The following SON variants were observed in gnomAD, a reference collection of about 807,000 sequenced individuals.
SON encodes protein SON.
Under a neutral mutation model 173.3 loss-of-function variants are expected in SON, and 4 were observed. The ratio of observed to expected loss-of-function variants is 0.02; its 90% CI spans 0.01 to 0.05. The LOEUF is 0.05. SON is among the 10% of genes least tolerant of loss of function. The probability of loss-of-function intolerance (pLI) is 1.00; values close to 1 mark genes in which losing one functional copy is unlikely to be tolerated. For missense variants in SON, 2,626 were observed against 3,055.3 expected (o/e 0.86, Z 3.31); for synonymous variants, 1,190 against 1,105.9 (o/e 1.08, Z -1.51).
chr21:33,572,146 G>C (rs2086297218), intron 8 of SON: 1 of 148,798 alleles, frequency 6.7e-6, no homozygotes, highest in African/African-American at 2.5e-5. Context: ...TACTCTCTCT[G>C]TTGATAAGTT....
At chr21:33,569,369 T>A (rs954279128) in intron 8 of SON, 1 of 372,288 alleles carries the variant, frequency 2.7e-6, no homozygotes, top group Non-Finnish European at 5.2e-6. Context: ...ACGCTAATAG[T>A]GTATCAGGTG....
rs1272355282 is a variant in SON at position 33,576,727 on chromosome 21, T to G, written c.*303T>G. On this transcript the variant is annotated 3_prime_UTR_variant, in exon 12 of 12. Transcript: ENST00000356577. ...GCTTTGATTTTTGTACCATGGAAAT[T>G]GTATTTAACCATACAGGGTTTTGGT... The G allele has an allele frequency of 4.1e-6, 2 of 485,928 alleles. No homozygotes were observed. Among genetic ancestry groups the G allele is most frequent in the African/African-American group, 3.9e-5 (2 of 51,340 alleles). The allele number at this position is 485,928 out of a possible 1,614,324, so 30.1% of individuals were successfully genotyped here.
rs1309818592 is a variant in SON at position 33,559,144 on chromosome 21, T to C, written c.6322-86T>C. On this transcript the variant is annotated intron_variant, in intron 4 of 11. Transcript: ENST00000356577. This position sits in a 1 kb window ranked among gnomAD's most constrained non-coding sequence, Gnocchi z 4.1. Reference sequence around the variant, plus strand: ...ATGAATCTTGTTTAACTTTGGAAAGTTGCTATTATGTGGTTTTGATTCTAA... The same window carrying C: ...ATGAATCTTGTTTAACTTTGGAAAGCTGCTATTATGTGGTTTTGATTCTAA... 9.3e-7 allele frequency: 1 copy of C among 1,075,374 alleles called. No individual in the cohort carries two copies. The highest frequency in any genetic ancestry group is 1.3e-6 in the Non-Finnish European group (1 of 761,504). 66.6% of individuals were successfully genotyped at this position (1,075,374 alleles called of 1,614,324 possible). A position where few individuals can be genotyped will look rare whatever the true frequency, so the allele number is the denominator to read the frequency against.
rs117683261 is a variant in SON, at chr21:33,560,312, T to G, written c.6657+537T>G. ...TTGTCAGATAGCCTTTAATTTTAAT[T>G]ATTTTTCCTTCCCTTTGCTACCTTG... On this transcript the variant is annotated intron_variant, in intron 6 of 11. Coordinates refer to ENST00000356577, the MANE Select transcript of SON (RefSeq NM_138927.4). 10,936 of 1,360,548 alleles carry G rather than the reference T, an allele frequency of 8.0e-3. 51 individuals are homozygous for G. The highest frequency in any genetic ancestry group is 9.6e-3 in the Non-Finnish European group (10,189 of 1,057,982). The allele number at this position is 1,360,548 out of a possible 1,614,324, so 84.3% of individuals were successfully genotyped here.
At chr21:33,571,508 G>A (rs1273340035) in intron 8 of SON, among the ~76,000 whole-genome samples, 1 of 152,140 alleles carries the variant, frequency 6.6e-6, no homozygotes, top group Non-Finnish European at 1.5e-5. Context: ...AGTTTTATCA[G>A]TAGTCTCATT....
chr21:33,564,686 C>T (rs1408823175), intron 6 of SON, among the ~76,000 whole-genome samples: 4 of 152,184 alleles, frequency 2.6e-5, no homozygotes. Flanking sequence ...CATGGAGAAA[C>T]CGCGTCTCTC....
In SON at chr21:33,555,346, A is replaced by T; in HGVS notation, c.6115A>T (p.Arg2039Trp). The T allele has an allele frequency of 6.3e-7, 1 of 1,590,828 alleles. No homozygotes were observed. The highest frequency in any genetic ancestry group is 8.6e-7 in the Non-Finnish European group (1 of 1,168,580). Reference protein sequence around the residue: ...SRSPIRRKRSRSSERGRSPKR... With the variant: ...SRSPIRRKRSWSSERGRSPKR... ...ATCTCCCATCCGTCGTAAAAGATCCAGGTCTTCTGAACGAGGCAGATCACC... is the reference window on the plus strand; with the variant it reads ...ATCTCCCATCCGTCGTAAAAGATCCTGGTCTTCTGAACGAGGCAGATCACC... The change falls in exon 3 of 12, where the codon AGG becomes TGG. Residue 2039 changes from arginine to tryptophan, a missense_variant. By Grantham distance (101) the Arg-to-Trp change is moderately radical. Around this residue, in one of 13 missense-constraint regions of SON, gnomAD observed 138 missense variants for 222.9 expected, o/e 0.62. Transcript: ENST00000356577.
intron 2 of SON, among the ~76,000 whole-genome samples, chr21:33,547,272 G>A (rs767224970): frequency 2.0e-5 from 3 of 152,090 alleles, no homozygotes; most frequent in Admixed American, 1.3e-4. Flanking sequence ...GTGAGCCACC[G>A]CGCCCGGCTT....
intron 6 of SON, among the ~76,000 whole-genome samples, chr21:33,562,003 C>G (rs1055775791): frequency 1.3e-5 from 2 of 152,042 alleles, no homozygotes; most frequent in African/African-American, 4.8e-5. Context: ...AAAGAACATA[C>G]AGATTAATTC....
intron 2 of SON, chr21:33,546,609 C>T (rs1265170952): frequency 1.0e-5 from 3 of 293,590 alleles, no homozygotes; most frequent in Non-Finnish European, 1.9e-5. Flanking sequence ...GAGAAACCCC[C>T]ATCTCTACTG....
intron 2 of SON, chr21:33,546,712 C>T (rs542341038): frequency 1.3e-4 from 23 of 176,352 alleles, no homozygotes; most frequent in African/African-American, 4.3e-4. Flanking sequence ...ACCCAGGAGG[C>T]GAATGTTGCA....
chr21:33,564,861 CA>C (rs60295815), intron 6 of SON, among the ~76,000 whole-genome samples: 305 of 98,262 alleles, frequency 3.1e-3, no homozygotes, highest in African/African-American at 8.3e-3. Flanking sequence ...AACTCCATCT[CA>C]AAAAAAAAAA....
Position 33,546,107 on chromosome 21 carries a change from A to AT in SON, c.78-106_78-105insT, listed in dbSNP as rs1186539985. Reference sequence around the variant, plus strand: ...TGAATATCTAAAATAGGAAAAAGGTAAAACATCTGACAGTCAGTACAACAT... The same window carrying AT: ...TGAATATCTAAAATAGGAAAAAGGTATAAACATCTGACAGTCAGTACAACAT... On this transcript the variant is annotated intron_variant, in intron 1 of 11. Transcript: ENST00000356577. 5.5e-6 allele frequency: 5 copies of AT among 902,620 alleles called. No individual in the cohort carries two copies. The African/African-American group carries it at 8.5e-5, about 15-fold the overall frequency. The allele number at this position is 902,620 out of a possible 1,614,324, so 55.9% of individuals were successfully genotyped here.
intron 8 of SON, chr21:33,569,629 A>T (rs1177331297): frequency 2.2e-6 from 1 of 462,120 alleles, no homozygotes; most frequent in Non-Finnish European, 4.5e-6. Flanking sequence ...TCCTCTTGTG[A>T]CCTGTAGCCC....
chr21:33,570,087 T>G (rs1320043994), intron 8 of SON: 1 of 152,670 alleles, frequency 6.6e-6, no homozygotes, highest in Non-Finnish European at 1.5e-5. Context: ...ATGGGAAATT[T>G]GTTACAGGAG....
In SON at chr21:33,576,772, T is replaced by C; in HGVS notation, c.*348T>C. 1 of 382,274 alleles carries C rather than the reference T, an allele frequency of 2.6e-6. No individual in the cohort carries two copies. The highest frequency in any genetic ancestry group is 2.4e-5 in the South Asian group (1 of 41,774). 23.7% of individuals were successfully genotyped at this position (382,274 alleles called of 1,614,324 possible). A position where few individuals can be genotyped will look rare whatever the true frequency, so the allele number is the denominator to read the frequency against. ...TTTGGTATGTTTATATTGTTTACCT[T>C]AGTGATGTATTTGTTTAAGTGGCTA... is the stretch of plus-strand genomic sequence containing the variant. On this transcript the variant is annotated 3_prime_UTR_variant, in exon 12 of 12. Transcript: ENST00000356577.
Position 33,559,186 on chromosome 21 carries a change from C to A in SON, c.6322-44C>A. ...TGATTCTAAGAAATTACATGTTCTA[C>A]ATAAAGCGTAAGATTTATCTTTTGT... On this transcript the variant is annotated intron_variant, in intron 4 of 11. Coordinates refer to ENST00000356577, the MANE Select transcript of SON (RefSeq NM_138927.4). This position sits in a 1 kb window ranked among gnomAD's most constrained non-coding sequence, Gnocchi z 4.1. 1 of 1,422,256 alleles carries A rather than the reference C, an allele frequency of 7.0e-7. No homozygotes were observed. The highest frequency in any genetic ancestry group is 9.4e-7 in the Non-Finnish European group (1 of 1,064,166). 88.1% of individuals were successfully genotyped at this position (1,422,256 alleles called of 1,614,324 possible).
intron 6 of SON, chr21:33,560,083 A>C (rs1457967912): frequency 6.2e-7 from 1 of 1,613,986 alleles, no homozygotes; most frequent in Non-Finnish European, 8.5e-7. Flanking sequence ...ACAACTATTT[A>C]GCTTCCCGAT....
Position 33,552,383 on chromosome 21 carries a change from C to T in SON, c.3152C>T (p.Ser1051Phe). 6.2e-7 allele frequency: 1 copy of T among 1,613,866 alleles called. No homozygotes were observed. The highest frequency in any genetic ancestry group is 8.5e-7 in the Non-Finnish European group (1 of 1,179,928). ...MMSAYERSMM[S>F]PMAERSMMSA... is the part of the protein sequence containing the mutation. ...TCAGCCTACGAGCGCTCTATGATGT[C>T]CCCTATGGCTGAGCGCTCTATGATG... The change falls in exon 3 of 12, where the codon TCC (serine) becomes TTC (phenylalanine). Residue 1051 changes from serine to phenylalanine, a missense_variant. Transcript: ENST00000356577. This position sits in a 1 kb window ranked among gnomAD's most constrained non-coding sequence, Gnocchi z 5.6.
Sources: allele counts gnomAD v4.1 joint callset (sites outside exome capture counted in the v4.1 genomes callset), GRCh38; gene constraint gnomAD v4.1.1; regional missense constraint gnomAD v4.1.1; non-coding constraint Gnocchi (gnomAD v3.1); transcripts MANE v1.5; gene names NCBI Gene and HGNC (gene_info 2026-07-23, HGNC 2026-07-21).